The following STK10 variants were observed in gnomAD, a reference collection of about 807,000 sequenced individuals.
STK10 encodes the protein serine/threonine kinase 10, also known as serine/threonine-protein kinase 10.
Under a neutral mutation model 113.8 loss-of-function variants are expected in STK10, and 78 were observed. The observed-to-expected ratio is 0.69, with a 90% CI of 0.57 to 0.83. The LOEUF (loss-of-function observed/expected upper bound fraction) is 0.83, where lower values mean the gene tolerates loss of function less well. Ranked by LOEUF, STK10 falls within the 40% of genes least tolerant of loss-of-function variation. The pLI, the probability that STK10 is intolerant of heterozygous loss-of-function variation, is 0.00. For missense variants in STK10, 1,109 were observed against 1,280.1 expected, an observed-to-expected ratio of 0.87 and a Z score of 2.04; for synonymous variants, 465 against 494.7, an observed-to-expected ratio of 0.94 and a Z score of 0.80.
At chr5:172,119,375 G>A (rs1769454358) in intron 3 of STK10, among the ~76,000 whole-genome samples, 1 of 152,116 alleles carries the variant, frequency 6.6e-6, no homozygotes, top group Non-Finnish European at 1.5e-5. Flanking sequence ...GGTAGTCCAC[G>A]AGAAGTTCTG....
intron 12 of STK10, among the ~76,000 whole-genome samples, chr5:172,065,898 G>A (rs1017374360): frequency 6.6e-6 from 1 of 152,172 alleles, no homozygotes; most frequent in Non-Finnish European, 1.5e-5. Flanking sequence ...TGCCCTCCTG[G>A]TCAGACGCCA....
In STK10 at chr5:172,082,182, GCA is replaced by G. The variant is rs1312525691; in HGVS notation, c.1989+142_1989+143del. On this transcript the variant is annotated intron_variant, in intron 12 of 18. Coordinates refer to ENST00000176763, the MANE Select transcript of STK10 (RefSeq NM_005990.4). This position sits in a 1 kb window ranked among gnomAD's most constrained non-coding sequence, Gnocchi z 4.3. ...AGTGGCTCCTCATGGCGCAGCTTGGGCACACAGATCCAGGCTCACCTGCTCCC... is the reference window on the plus strand; with the variant it reads ...AGTGGCTCCTCATGGCGCAGCTTGGGCACAGATCCAGGCTCACCTGCTCCC... 2 of 838,248 alleles carry G rather than the reference GCA, an allele frequency of 2.4e-6. No homozygotes were observed. The highest frequency in any genetic ancestry group is 3.4e-6 in the Non-Finnish European group (2 of 594,590). The allele number at this position is 838,248 out of a possible 1,614,324, so 51.9% of individuals were successfully genotyped here.
intron 18 of STK10, among the ~76,000 whole-genome samples, chr5:172,049,594 G>T (rs753204601): frequency 1.3e-5 from 2 of 152,020 alleles, no homozygotes; most frequent in Non-Finnish European, 2.9e-5. Flanking sequence ...GAACCCCTAG[G>T]GGGCCCAAAA....
At chr5:172,090,847 A>C (rs1768684762) in intron 9 of STK10, among the ~76,000 whole-genome samples, 2 of 150,520 alleles carry the variant, frequency 1.3e-5, no homozygotes, top group South Asian at 4.2e-4. Context: ...AGGCAGGAGA[A>C]TCACTTGAAC....
At chr5:172,079,003 C>A (rs529448283) in intron 12 of STK10, among the ~76,000 whole-genome samples, 1 of 152,018 alleles carries the variant, frequency 6.6e-6, no homozygotes, top group South Asian at 2.1e-4. Context: ...TGACAGGGCG[C>A]AGAGCCAAGG....
intron 2 of STK10, among the ~76,000 whole-genome samples, chr5:172,143,772 A>T (rs943666102): frequency 8.5e-5 from 13 of 152,268 alleles, no homozygotes; most frequent in African/African-American, 1.2e-4. Context: ...AGCAGTTTAC[A>T]TCTAAAAAAA....
Position 172,093,968 on chromosome 5 carries a change from A to T in STK10, c.1006-8T>A, listed in dbSNP as rs1030400797. ...AGTATGGTTCTCCAGGGTCTAGAAA[A>T]ATATATATATATATATTAAAGGCCA... is the stretch of plus-strand genomic sequence containing the variant. On this transcript the variant is annotated splice_polypyrimidine_tract_variant and splice_region_variant and intron_variant, in intron 8 of 18. Coordinates refer to ENST00000176763, the MANE Select transcript of STK10 (RefSeq NM_005990.4). The surrounding 1 kb of genome is among the most constrained non-coding windows in gnomAD (Gnocchi z 4.1). The T allele has an allele frequency of 3.8e-5, 53 of 1,410,796 alleles. No individual in the cohort carries two copies. The African/African-American group carries it at 5.5e-4, about 15-fold the overall frequency. 87.4% of individuals were successfully genotyped at this position (1,410,796 alleles called of 1,614,324 possible). A position where few individuals can be genotyped will look rare whatever the true frequency, so the allele number is the denominator to read the frequency against.
chr5:172,149,413 T>C (rs1219390549), intron 2 of STK10, among the ~76,000 whole-genome samples: 2 of 152,126 alleles, frequency 1.3e-5, no homozygotes, highest in Non-Finnish European at 2.9e-5. Flanking sequence ...CTCTGTAAAA[T>C]GGGCATGTCG....
intron 12 of STK10, among the ~76,000 whole-genome samples, chr5:172,080,007 G>A (rs1254799845): frequency 6.6e-6 from 1 of 152,070 alleles, no homozygotes; most frequent in Non-Finnish European, 1.5e-5. Flanking sequence ...ACTCTGTGTC[G>A]AGCAAGTCTA....
chr5:172,087,391 C>T (rs1399801757), intron 10 of STK10, among the ~76,000 whole-genome samples: 1 of 151,668 alleles, frequency 6.6e-6, no homozygotes, highest in Non-Finnish European at 1.5e-5. Flanking sequence ...TCTCCTGTCT[C>T]AGCCTCCCGA....
At chr5:172,147,825 A>G (rs551077005) in intron 2 of STK10, among the ~76,000 whole-genome samples, 1 of 152,278 alleles carries the variant, frequency 6.6e-6, no homozygotes. Context: ...TCAAAGAGAG[A>G]GACTCTGTTT....
intron 12 of STK10, among the ~76,000 whole-genome samples, chr5:172,076,930 A>AAAGGCACCGAAAACACGAAGT (rs1212003129): frequency 1.0e-5 from 1 of 98,468 alleles, no homozygotes; most frequent in African/African-American, 6.0e-5. Context: ...GATTTCTGCC[A>AAAGGCACCGAAAACACGAAGT]AAGGCACCAA....
chr5:172,171,895 A>G (rs1770670420), intron 1 of STK10, among the ~76,000 whole-genome samples: 1 of 152,210 alleles, frequency 6.6e-6, no homozygotes, highest in Non-Finnish European at 1.5e-5. Context: ...TTAACAGTAT[A>G]GCATGGCTGG....
intron 12 of STK10, among the ~76,000 whole-genome samples, chr5:172,077,613 C>G (rs11955977): frequency 3.9e-5 from 6 of 152,070 alleles, no homozygotes; most frequent in African/African-American, 1.2e-4. Context: ...TAAATAGGTC[C>G]CTGTTCAACT....
At chr5:172,176,945 G>A (rs940412627) in intron 1 of STK10, among the ~76,000 whole-genome samples, 3 of 152,144 alleles carry the variant, frequency 2.0e-5, no homozygotes, top group Admixed American at 2.0e-4. Flanking sequence ...AGGCCGAGGC[G>A]AGTGGATCAC....
intron 7 of STK10, among the ~76,000 whole-genome samples, chr5:172,103,956 G>A (rs1274350367): frequency 6.6e-6 from 1 of 152,188 alleles, no homozygotes; most frequent in Non-Finnish European, 1.5e-5. Context: ...CTCACAGCCA[G>A]TAAATGGCAG....
At chr5:172,105,322 C>T (rs1769074240) in intron 7 of STK10, among the ~76,000 whole-genome samples, 1 of 152,108 alleles carries the variant, frequency 6.6e-6, no homozygotes, top group African/African-American at 2.4e-5. Context: ...CCTTACAAGA[C>T]AACAGCTGAT....
intron 7 of STK10, among the ~76,000 whole-genome samples, chr5:172,101,479 A>G (rs1233368783): frequency 7.0e-6 from 1 of 143,012 alleles, no homozygotes; most frequent in Admixed American, 6.7e-5. Context: ...CCAAAAAAAA[A>G]AAAAAAAAAG....
intron 2 of STK10, among the ~76,000 whole-genome samples, chr5:172,141,319 G>A (rs1581175315): frequency 6.6e-6 from 1 of 152,316 alleles, no homozygotes; most frequent in Non-Finnish European, 1.5e-5. Context: ...GCTCATGCCT[G>A]TAATCCCAGC....
Sources: gnomAD v4.1 joint callset for allele counts (sites outside exome capture counted in the v4.1 genomes callset) on GRCh38, gnomAD v4.1.1 for gene constraint, Gnocchi (gnomAD v3.1) non-coding constraint, MANE v1.5 for transcripts, NCBI Gene and HGNC (gene_info 2026-07-23, HGNC 2026-07-21) for gene names.